SLC9C2: variants seen among roughly 807,000 people sequenced by gnomAD.
SLC9C2 encodes the protein solute carrier family 9 member C2 (putative).
In SLC9C2, 75 loss-of-function variants were observed where a neutral mutation model predicts 140.2. The observed-to-expected ratio is 0.53, with a 90% CI of 0.44 to 0.65. The LOEUF (loss-of-function observed/expected upper bound fraction) is 0.65. SLC9C2 is among the 30% of genes least tolerant of loss of function. The probability of loss-of-function intolerance (pLI) is 0.00; values close to 1 mark genes in which losing one functional copy is unlikely to be tolerated. For missense variants in SLC9C2, 1,074 were observed against 1,331.8 expected (o/e 0.81, Z 3.01); for synonymous variants, 375 against 420.9 (o/e 0.89, Z 1.34).
intron 9 of SLC9C2, among the ~76,000 whole-genome samples, chr1:173,557,865 C>T (rs1359718872): frequency 6.6e-6 from 1 of 152,010 alleles, no homozygotes; most frequent in African/African-American, 2.4e-5. Flanking sequence ...TGACTGGATT[C>T]AAAAATTATA....
At chr1:173,563,597 G>T (rs1664259741) in intron 9 of SLC9C2, among the ~76,000 whole-genome samples, 2 of 152,122 alleles carry the variant, frequency 1.3e-5, no homozygotes, top group Admixed American at 6.5e-5. Flanking sequence ...GTAGGTGTGT[G>T]TATTTATGGG....
At chr1:173,576,571 A>C in intron 8 of SLC9C2, 90 bp downstream of exon 8, 1 of 732,116 alleles carries the variant, frequency 1.4e-6, no homozygotes, top group Non-Finnish European at 2.2e-6. Context: ...AAGGTTATGG[A>C]AAAAGAGTTT....
At chr1:173,522,109 T>G (rs1364737673) in intron 21 of SLC9C2, among the ~76,000 whole-genome samples, 1 of 151,724 alleles carries the variant, frequency 6.6e-6, no homozygotes, top group East Asian at 1.9e-4. Context: ...GCGCCTGTAG[T>G]CCCAGCTACA....
intron 26 of SLC9C2, 119 bp downstream of exon 26, chr1:173,505,128 G>A (rs762964506): frequency 1.2e-6 from 1 of 812,268 alleles, no homozygotes; most frequent in Middle Eastern, 2.6e-4. Flanking sequence ...CCAAGGATGG[G>A]GACTAATGAT....
rs559047009 is a variant in SLC9C2 at position 173,503,384 on chromosome 1, A to C, written c.3311-58T>G. 4 of 1,463,314 alleles carry C rather than the reference A, an allele frequency of 2.7e-6. No homozygotes were observed. The African/African-American group carries it at 5.6e-5, about 20-fold the overall frequency. 90.6% of individuals were successfully genotyped at this position (1,463,314 alleles called of 1,614,324 possible). On this transcript the variant is annotated intron_variant, in intron 26 of 27. Coordinates refer to ENST00000367714, the MANE Select transcript of SLC9C2 (RefSeq NM_178527.4). Reference sequence around the variant, plus strand: ...AAATTAGGAATTTAAGAGTAAAGGCAACCAGAAAATATTTTGAAATATCTA... The same window carrying C: ...AAATTAGGAATTTAAGAGTAAAGGCCACCAGAAAATATTTTGAAATATCTA...
At chr1:173,589,336 C>T (rs1030518637) in intron 4 of SLC9C2, among the ~76,000 whole-genome samples, 9 of 152,050 alleles carry the variant, frequency 5.9e-5, no homozygotes, top group African/African-American at 2.2e-4. Context: ...GCAGGAGGAT[C>T]GCTTGAGGCC....
At chr1:173,568,404 A>T (rs1417294767) in intron 9 of SLC9C2, among the ~76,000 whole-genome samples, 1 of 137,708 alleles carries the variant, frequency 7.3e-6, no homozygotes, top group Non-Finnish European at 1.5e-5. Context: ...TTCCTGTGTT[A>T]GTTTGCTAAG....
intron 10 of SLC9C2, among the ~76,000 whole-genome samples, chr1:173,556,276 T>G (rs1430838218): frequency 6.6e-6 from 1 of 152,136 alleles, no homozygotes; most frequent in Non-Finnish European, 1.5e-5. Flanking sequence ...TGCACTGGGC[T>G]CTTTGAATCT....
intron 18 of SLC9C2, among the ~76,000 whole-genome samples, chr1:173,527,822 T>C (rs1661313130): frequency 6.6e-6 from 1 of 152,228 alleles, no homozygotes; most frequent in African/African-American, 2.4e-5. Context: ...GTGGGGTTTT[T>C]TTGTTGTCTT....
intron 4 of SLC9C2, among the ~76,000 whole-genome samples, chr1:173,596,167 T>C (rs1393139115): frequency 6.6e-6 from 1 of 152,196 alleles, no homozygotes; most frequent in Non-Finnish European, 1.5e-5. Context: ...CCACGATTTG[T>C]TTATTCATTC....
At chr1:173,594,421 CTA>C in intron 4 of SLC9C2, among the ~76,000 whole-genome samples, 1 of 152,220 alleles carries the variant, frequency 6.6e-6, no homozygotes, top group South Asian at 2.1e-4. Context: ...TATTCCATAA[CTA>C]TGTACAATTA....
intron 17 of SLC9C2, among the ~76,000 whole-genome samples, chr1:173,530,889 C>G (rs1661529470): frequency 6.6e-6 from 1 of 151,984 alleles, no homozygotes; most frequent in African/African-American, 2.4e-5. Flanking sequence ...ATTCCAAGAG[C>G]AGAGAAGGGA....
intron 24 of SLC9C2, among the ~76,000 whole-genome samples, chr1:173,507,871 G>A (rs1659767429): frequency 6.6e-6 from 1 of 152,080 alleles, no homozygotes; most frequent in African/African-American, 2.4e-5. Flanking sequence ...ATGCATTTCT[G>A]GTTTTTTTAC....
chr1:173,583,087 G>A (rs1327639227), intron 6 of SLC9C2, among the ~76,000 whole-genome samples: 1 of 152,076 alleles, frequency 6.6e-6, no homozygotes, highest in Admixed American at 6.5e-5. Context: ...TTGGTTCCAG[G>A]AACCCCTTTG....
rs1175520288 is a variant in SLC9C2, at chr1:173,602,935, T to C, written c.-264A>G. On this transcript the variant is annotated 5_prime_UTR_variant, in exon 1 of 28. Coordinates refer to ENST00000367714, the MANE Select transcript of SLC9C2 (RefSeq NM_178527.4). ...ACATGTAATGACCCTCAAATTAAGT[T>C]CTACAAATTACCCAGATCAGAGATA... is the stretch of plus-strand genomic sequence containing the variant. 6.6e-6 allele frequency: 1 copy of C among 152,196 alleles called. No individual in the cohort carries two copies. The allele number at this position is 152,196 out of a possible 1,614,324, so 9.4% of individuals were successfully genotyped here. A position where few individuals can be genotyped will look rare whatever the true frequency, so the allele number is the denominator to read the frequency against.
At chr1:173,501,320 A>G (rs1659249867) in intron 27 of SLC9C2, among the ~76,000 whole-genome samples, 1 of 152,158 alleles carries the variant, frequency 6.6e-6, no homozygotes, top group Admixed American at 6.5e-5. Context: ...CATTAATTCC[A>G]TGAGAGTAGT....
rs1164295681 is a variant in SLC9C2 at position 173,544,675 on chromosome 1, C to G, written c.1557+3014G>C. Among the ~76,000 whole-genome samples, 3 of 152,058 alleles carry G rather than the reference C, an allele frequency of 2.0e-5. No individual in the cohort carries two copies. The East Asian group carries it at 5.8e-4, about 29-fold the overall frequency. ...ATATACAACATGGAATACTATACAGCCATAATAAATGATGAGTTCATGTCC... is the reference window on the plus strand; with the variant it reads ...ATATACAACATGGAATACTATACAGGCATAATAAATGATGAGTTCATGTCC... On this transcript the variant is annotated intron_variant, in intron 13 of 27. Transcript: ENST00000367714.
chr1:173,590,491 C>T (rs1571628519), intron 4 of SLC9C2, among the ~76,000 whole-genome samples: 1 of 152,078 alleles, frequency 6.6e-6, no homozygotes, highest in African/African-American at 2.4e-5. Flanking sequence ...GTACCCAACC[C>T]TATATATACT....
intron 10 of SLC9C2, among the ~76,000 whole-genome samples, 185 bp from the exon 11 acceptor site, chr1:173,554,999 C>G (rs1458346096): frequency 1.3e-5 from 2 of 152,220 alleles, no homozygotes; most frequent in Non-Finnish European, 2.9e-5. Flanking sequence ...ACACACTACA[C>G]TGGGGCAGAC....
Sources: gnomAD v4.1 joint callset for allele counts (sites outside exome capture counted in the v4.1 genomes callset) on GRCh38, gnomAD v4.1.1 for gene constraint, MANE v1.5 for transcripts, NCBI Gene and HGNC (gene_info 2026-07-23, HGNC 2026-07-21) for gene names.